Variants in STRN observed in about 807,000 individuals in gnomAD.
The protein encoded by STRN is protein phosphatase 2 regulatory subunit B'''alpha.
In STRN, 53 loss-of-function variants were observed where a neutral mutation model predicts 96.3. The ratio of observed to expected loss-of-function variants is 0.55; its 90% CI spans 0.44 to 0.69. The LOEUF (loss-of-function observed/expected upper bound fraction) is 0.69, where lower values mean the gene tolerates loss of function less well. Among genes scored for constraint, STRN ranks in the 30% least tolerant of loss-of-function variants. The pLI is 0.00. For missense variants in STRN, 987 were observed against 963.9 expected (o/e 1.02, Z -0.32); for synonymous variants, 428 against 355.9 (o/e 1.20, Z -2.28).
Position 36,877,974 on chromosome 2 carries a change from C to G in STRN, c.1240G>C (p.Asp414His). 2 of 1,614,202 alleles carry G rather than the reference C, an allele frequency of 1.2e-6. No individual in the cohort carries two copies. The highest frequency in any genetic ancestry group is 1.7e-6 in the Non-Finnish European group (2 of 1,180,020). Residue 414 changes from aspartate to histidine, a missense_variant, in exon 10 of 18, where the codon GAT (aspartate) becomes CAT (histidine). Transcript: ENST00000263918. Reference sequence around the variant, plus strand: ...CCCAGTTCACTTTCAAGGGCTTCATCTGCTCCCATGATGAATGACTTTCCA... The same window carrying G: ...CCCAGTTCACTTTCAAGGGCTTCATGTGCTCCCATGATGAATGACTTTCCA... ...SSGKSFIMGA[D>H]EALESELGLG...
chr2:36,945,041 AT>A (rs931094518), intron 1 of STRN, among the ~76,000 whole-genome samples: 1 of 152,118 alleles, frequency 6.6e-6, no homozygotes, highest in Non-Finnish European at 1.5e-5. Flanking sequence ...CAATTCCAAT[AT>A]TTAGTAATAT....
chr2:36,875,659 A>ATTTTT (rs70946955), intron 10 of STRN, among the ~76,000 whole-genome samples: 1 of 142,492 alleles, frequency 7.0e-6, no homozygotes, highest in Non-Finnish European at 1.5e-5. Context: ...AATAGAAATG[A>ATTTTT]TTTTTTTTTT....
At chr2:36,924,068 G>C (rs545515031) in intron 2 of STRN, among the ~76,000 whole-genome samples, 10 of 152,078 alleles carry the variant, frequency 6.6e-5, no homozygotes, top group Admixed American at 2.0e-4. Flanking sequence ...ACAAAAAAAA[G>C]TCTATAGGCT....
At chr2:36,899,695 T>C (rs1244981918) in intron 5 of STRN, 37 bp from the exon 6 acceptor site, 1 of 1,526,368 alleles carries the variant, frequency 6.6e-7, no homozygotes, top group Admixed American at 2.2e-5. Flanking sequence ...TAGTTAATCT[T>C]TTTAACTTCG....
intron 1 of STRN, among the ~76,000 whole-genome samples, chr2:36,951,225 C>A (rs866570173): frequency 2.6e-5 from 4 of 152,178 alleles, no homozygotes; most frequent in Admixed American, 6.5e-5. Flanking sequence ...GATTAACACA[C>A]AAGGCGGGGT....
At chr2:36,873,794 T>C (rs1418091630) in intron 10 of STRN, among the ~76,000 whole-genome samples, 3 of 149,768 alleles carry the variant, frequency 2.0e-5, no homozygotes, top group Admixed American at 2.0e-4. Flanking sequence ...AATACAAAAA[T>C]TAGCTGGGCA....
intron 12 of STRN, among the ~76,000 whole-genome samples, chr2:36,861,746 C>T (rs1413962241): frequency 6.7e-6 from 1 of 150,122 alleles, no homozygotes; most frequent in Non-Finnish European, 1.5e-5. Flanking sequence ...CACACACACA[C>T]ACACACACAC....
chr2:36,849,835 C>A (rs745424260), intron 16 of STRN, 35 bp from the exon 17 acceptor site: 10 of 1,594,926 alleles, frequency 6.3e-6, no homozygotes, highest in African/African-American at 1.3e-5. Context: ...CTTATTAATG[C>A]CTTTCCTCAT....
At chr2:36,897,649 G>A (rs1197676660) in intron 6 of STRN, among the ~76,000 whole-genome samples, 1 of 151,738 alleles carries the variant, frequency 6.6e-6, no homozygotes, top group Non-Finnish European at 1.5e-5. Flanking sequence ...GCGTTAGCCA[G>A]GATGGTCTTG....
chr2:36,860,671 TC>T (rs1668456530), intron 13 of STRN, among the ~76,000 whole-genome samples: 1 of 152,194 alleles, frequency 6.6e-6, no homozygotes. Context: ...CTTCTTAACT[TC>T]TGAGGCCTTT....
intron 6 of STRN, among the ~76,000 whole-genome samples, chr2:36,897,602 A>AT (rs1222796982): frequency 6.6e-6 from 1 of 151,102 alleles, no homozygotes; most frequent in Non-Finnish European, 1.5e-5. Context: ...TACCCAGCTA[A>AT]TTTTTTTTGT....
intron 14 of STRN, among the ~76,000 whole-genome samples, chr2:36,857,651 C>A (rs143228604): frequency 0.017 from 2,579 of 152,110 alleles, 213 homozygotes; most frequent in Admixed American, 0.15. Flanking sequence ...CAGAGTGATA[C>A]TCCGTCTCAA....
At chr2:36,856,592 G>T in intron 14 of STRN, among the ~76,000 whole-genome samples, 1 of 152,270 alleles carries the variant, frequency 6.6e-6, no homozygotes, top group East Asian at 1.9e-4. Context: ...AATCTATGAT[G>T]AAAGAAATCA....
chr2:36,932,385 C>T lies in STRN; in HGVS notation c.235-7177G>A, dbSNP rs544987066. 2.0e-5 allele frequency among the ~76,000 whole-genome samples: 3 copies of T among 152,270 alleles called. No homozygotes were observed. In the South Asian group the frequency reaches 6.2e-4, roughly 32 times the overall value. ...GGCCAGGCTGGTATCAAACTCCTGA[C>T]CTCGGGTGATCTGCCTGCCTCGGCC... On this transcript the variant is annotated intron_variant, in intron 1 of 17. Transcript: ENST00000263918.
chr2:36,940,795 C>G (rs1670825771), intron 1 of STRN, among the ~76,000 whole-genome samples: 1 of 148,078 alleles, frequency 6.8e-6, no homozygotes, highest in East Asian at 2.0e-4. Flanking sequence ...CAAGACTGCA[C>G]CACTGCACAG....
At chr2:36,935,175 T>C (rs944748306) in intron 1 of STRN, among the ~76,000 whole-genome samples, 1 of 152,206 alleles carries the variant, frequency 6.6e-6, no homozygotes, top group African/African-American at 2.4e-5. Context: ...GCTCCATGCC[T>C]TGGCTTATGC....
At chr2:36,878,227 T>C (rs1558633964) in intron 9 of STRN, among the ~76,000 whole-genome samples, 200 bp from the exon 10 acceptor site, 1 of 152,226 alleles carries the variant, frequency 6.6e-6, no homozygotes, top group Non-Finnish European at 1.5e-5. Flanking sequence ...GGTAAAGGCA[T>C]CAACTAATTA....
At chr2:36,869,354 T>TA (rs1348414210) in intron 11 of STRN, among the ~76,000 whole-genome samples, 200 bp downstream of exon 11, 3 of 152,176 alleles carry the variant, frequency 2.0e-5, no homozygotes, top group Non-Finnish European at 4.4e-5. Context: ...AACCAACAGA[T>TA]AATACCATAT....
At chr2:36,946,525 T>C (rs1670988655) in intron 1 of STRN, among the ~76,000 whole-genome samples, 1 of 152,202 alleles carries the variant, frequency 6.6e-6, no homozygotes, top group African/African-American at 2.4e-5. Context: ...ACATCCCAAT[T>C]ATTACCAAGG....
Sources: allele counts gnomAD v4.1 joint callset (sites outside exome capture counted in the v4.1 genomes callset), GRCh38; gene constraint gnomAD v4.1.1; transcripts MANE v1.5; gene names NCBI Gene and HGNC (gene_info 2026-07-23, HGNC 2026-07-21).